RPL13: variants seen among roughly 807,000 people sequenced by gnomAD.
RPL13 encodes the protein large ribosomal subunit protein eL13.
A neutral mutation model predicts 21.4 loss-of-function variants in RPL13; 1 was observed. The ratio of observed to expected loss-of-function variants is 0.05; its 90% CI spans 0.02 to 0.22. The LOEUF is 0.22. Ranked by LOEUF, RPL13 falls within the 10% of genes least tolerant of loss-of-function variation. RPL13 has a pLI of 1.00. For missense variants in RPL13, 289 were observed against 303.0 expected, an observed-to-expected ratio of 0.95 and a Z score of 0.34; for synonymous variants, 143 against 120.5, an observed-to-expected ratio of 1.19 and a Z score of -1.23.
chr16:89,563,585 AAG>A lies in RPL13; in HGVS notation c.*547_*548del, dbSNP rs1386763593. The A allele has an allele frequency of 2.7e-5, 4 of 147,628 alleles. No homozygotes were observed. The highest frequency in any genetic ancestry group is 2.1e-4 in the South Asian group (1 of 4,674). 9.1% of individuals were successfully genotyped at this position (147,628 alleles called of 1,614,324 possible). Reference sequence around the variant, plus strand: ...AGTGAGACTGTCTCAAAAAAAAAAAAAGAGACAGGGTCTTCGGCACCCAGGCT... The same window carrying A: ...AGTGAGACTGTCTCAAAAAAAAAAAAAGACAGGGTCTTCGGCACCCAGGCT... On this transcript the variant is annotated 3_prime_UTR_variant, in exon 6 of 6. Coordinates refer to ENST00000311528, the MANE Select transcript of RPL13 (RefSeq NM_000977.4).
chr16:89,563,791 ATTC>A lies in RPL13; in HGVS notation c.*752_*754del, dbSNP rs2058763265. On this transcript the variant is annotated 3_prime_UTR_variant, in exon 6 of 6. Transcript: ENST00000311528. The stretch of plus-strand genomic sequence containing the variant: ...GTAGCATCTTGGACTTTGGGGCGTC[ATTC>A]TTAAGCTTGTTGTGCCCGGTAACCA... The A allele has an allele frequency of 6.6e-6, 1 of 152,116 alleles. No homozygotes were observed. The highest frequency in any genetic ancestry group is 2.4e-5 in the African/African-American group (1 of 41,360). 9.4% of individuals were successfully genotyped at this position (152,116 alleles called of 1,614,324 possible). A position where few individuals can be genotyped will look rare whatever the true frequency, so the allele number is the denominator to read the frequency against.
chr16:89,562,223 C>G, intron 4 of RPL13, 112 bp from the exon 5 acceptor site: 1 of 969,344 alleles, frequency 1.0e-6, no homozygotes, highest in Non-Finnish European at 1.6e-6. Flanking sequence ...AGAAAAGGCT[C>G]AGACACTGGT....
In RPL13 at chr16:89,563,751, C is replaced by T. The variant is rs185026938; in HGVS notation, c.*709C>T. 2 of 152,202 alleles carry T rather than the reference C, an allele frequency of 1.3e-5. No homozygotes were observed. The highest frequency in any genetic ancestry group is 1.9e-4 in the East Asian group (1 of 5,178). 9.4% of individuals were successfully genotyped at this position (152,202 alleles called of 1,614,324 possible). On this transcript the variant is annotated 3_prime_UTR_variant, in exon 6 of 6. Coordinates refer to ENST00000311528, the MANE Select transcript of RPL13 (RefSeq NM_000977.4). ...CTAGAGTTGCCTTTTTTAAGCAAAG[C>T]AGTTTCTAGTTAATGTAGCATCTTG...
chr16:89,561,522 C>T (rs2058744498), intron 3 of RPL13, 56 bp from the exon 4 acceptor site: 2 of 1,612,774 alleles, frequency 1.2e-6, no homozygotes, highest in Non-Finnish European at 8.5e-7. Flanking sequence ...TTCATCCAGG[C>T]CTCGGGGCTG....
rs1024948592 is a variant in RPL13 at position 89,560,878 on chromosome 16, A to G, written c.-20-62A>G. 1.3e-5 allele frequency: 17 copies of G among 1,268,170 alleles called. No individual in the cohort carries two copies. The African/African-American group carries it at 1.4e-4, about 10-fold the overall frequency. The allele number at this position is 1,268,170 out of a possible 1,614,324, so 78.6% of individuals were successfully genotyped here. ...GCCCAGTCTGGAGGGTTCGGGGCGG[A>G]GGCCCGGGGGGGTGCGCGCGCCCGG... On this transcript the variant is annotated intron_variant, in intron 1 of 5. Coordinates refer to ENST00000311528, the MANE Select transcript of RPL13 (RefSeq NM_000977.4).
downstream of RPL13, chr16:89,566,507 T>G (rs1039307640): frequency 6.6e-6 from 1 of 152,210 alleles, no homozygotes; most frequent in Admixed American, 6.5e-5. Context: ...ATTTTAAAAT[T>G]ATCATGCAGG....
chr16:89,562,689 T>G, intron 5 of RPL13, 195 bp from the exon 6 acceptor site: 1 of 597,594 alleles, frequency 1.7e-6, no homozygotes, highest in Non-Finnish European at 2.8e-6. Flanking sequence ...AGCCGCCATG[T>G]CCAGCTCAGG....
intron 5 of RPL13, 137 bp from the exon 6 acceptor site, chr16:89,562,747 A>T: frequency 2.5e-6 from 2 of 799,286 alleles, no homozygotes; most frequent in Non-Finnish European, 1.9e-6. Context: ...TGATTGACTC[A>T]GGGTTGCTTT....
downstream of RPL13, chr16:89,564,660 A>C (rs2058770647): frequency 6.6e-6 from 1 of 152,262 alleles, no homozygotes; most frequent in African/African-American, 2.4e-5. Context: ...GTCTCAAAAA[A>C]AGTTGTACAA....
rs994648980 is a variant in RPL13, at chr16:89,563,759, A to T, written c.*717A>T. 6.6e-6 allele frequency: 1 copy of T among 152,118 alleles called. No individual in the cohort carries two copies. Among genetic ancestry groups the T allele is most frequent in the Admixed American group, 6.6e-5 (1 of 15,258 alleles). 9.4% of individuals were successfully genotyped at this position (152,118 alleles called of 1,614,324 possible). The stretch of plus-strand genomic sequence containing the variant: ...GCCTTTTTTAAGCAAAGCAGTTTCT[A>T]GTTAATGTAGCATCTTGGACTTTGG... On this transcript the variant is annotated 3_prime_UTR_variant, in exon 6 of 6. Coordinates refer to ENST00000311528, the MANE Select transcript of RPL13 (RefSeq NM_000977.4).
chr16:89,562,762 C>T (rs2058755170), intron 5 of RPL13, 122 bp from the exon 6 acceptor site: 1 of 1,004,292 alleles, frequency 1.0e-6, no homozygotes, highest in African/African-American at 1.7e-5. Context: ...TGCTTTTCAG[C>T]AGTACTTATG....
downstream of RPL13, chr16:89,566,437 T>C (rs979541200): frequency 6.6e-6 from 1 of 152,264 alleles, no homozygotes; most frequent in East Asian, 1.9e-4. Context: ...TTTATTTTGC[T>C]TTTTCTTTTG....
In RPL13 at chr16:89,562,328, C is replaced by T. The variant is rs1372857461; in HGVS notation, c.421-7C>T. 1 of 1,613,194 alleles carries T rather than the reference C, an allele frequency of 6.2e-7. No homozygotes were observed. The highest frequency in any genetic ancestry group is 8.5e-7 in the Non-Finnish European group (1 of 1,179,926). On this transcript the variant is annotated splice_polypyrimidine_tract_variant and splice_region_variant and intron_variant, in intron 4 of 5. Transcript: ENST00000311528. ...AACCCCACTTAACTCTTCTCATTCACCAACAGGCTGAAGAACTGAAACTGG... is the reference window on the plus strand; with the variant it reads ...AACCCCACTTAACTCTTCTCATTCATCAACAGGCTGAAGAACTGAAACTGG...
At chr16:89,562,821 A>T (rs72805539) in intron 5 of RPL13, 63 bp from the exon 6 acceptor site, 63,490 of 1,458,174 alleles carry the variant, frequency 0.044, 1,787 homozygotes, top group Admixed American at 0.089. Flanking sequence ...GGTTCTCCTG[A>T]CGCTTGGTTG....
chr16:89,562,018 A>G, intron 4 of RPL13: 2 of 589,282 alleles, frequency 3.4e-6, no homozygotes, highest in Non-Finnish European at 3.0e-6. Flanking sequence ...ATTTCTAGAA[A>G]GACCTTGTAG....
upstream of RPL13, chr16:89,560,676 C>A: frequency 2.8e-6 from 1 of 362,916 alleles, no homozygotes; most frequent in Non-Finnish European, 5.0e-6. Context: ...ATTGCGGGGC[C>A]GCTTCCTTTC....
Position 89,560,691 on chromosome 16 carries a change from C to A in RPL13, c.-42C>A. 1 of 399,042 alleles carries A rather than the reference C, an allele frequency of 2.5e-6. No homozygotes were observed. Among genetic ancestry groups the A allele is most frequent in the Non-Finnish European group, 4.5e-6 (1 of 223,424 alleles). 24.7% of individuals were successfully genotyped at this position (399,042 alleles called of 1,614,324 possible). On this transcript the variant is annotated 5_prime_UTR_variant, in exon 1 of 6. Transcript: ENST00000311528. Reference sequence around the variant, plus strand: ...ATTGCGGGGCCGCTTCCTTTCCGCTCGGCTGTTTTCCTGCGCAGGAGGTGA... The same window carrying A: ...ATTGCGGGGCCGCTTCCTTTCCGCTAGGCTGTTTTCCTGCGCAGGAGGTGA...
rs139622985 is a variant in RPL13 at position 89,562,040 on chromosome 16, TAA to T, written c.420+291_420+292del. ...GAAAGACCTTGTAGGATAAGGTTGA[TAA>T]AGAGTCCATTGTATACGTTTCCGGG... On this transcript the variant is annotated intron_variant, in intron 4 of 5. Transcript: ENST00000311528. 2,520 of 589,762 alleles carry T rather than the reference TAA, an allele frequency of 4.3e-3. 5 individuals carry two copies. The highest frequency in any genetic ancestry group is 7.5e-3 in the Admixed American group (226 of 30,322). The allele number at this position is 589,762 out of a possible 1,614,324, so 36.5% of individuals were successfully genotyped here. A position where few individuals can be genotyped will look rare whatever the true frequency, so the allele number is the denominator to read the frequency against.
chr16:89,566,730 G>A (rs1042674217), downstream of RPL13: 8 of 152,100 alleles, frequency 5.3e-5, no homozygotes, highest in Admixed American at 4.6e-4. Flanking sequence ...GCATCTTTGA[G>A]TTGTAACACG....
Sources: gnomAD v4.1 joint callset for allele counts on GRCh38, gnomAD v4.1.1 for gene constraint, MANE v1.5 for transcripts, NCBI Gene and HGNC (gene_info 2026-07-23, HGNC 2026-07-21) for gene names.